Variants in POSTN observed in about 807,000 individuals in gnomAD.
POSTN encodes the protein periostin, also known as osteoblast specific factor 2 (fasciclin I-like).
Under a neutral mutation model 104.5 loss-of-function variants are expected in POSTN, and 71 were observed. That is an observed-to-expected ratio of 0.68 (90% CI 0.56 to 0.83). POSTN has a LOEUF of 0.83. POSTN is among the 40% of genes least tolerant of loss of function. The pLI is 0.00. For missense variants in POSTN, 949 were observed against 1,006.8 expected (o/e 0.94, Z 0.78); for synonymous variants, 355 against 340.7 (o/e 1.04, Z -0.46).
intron 22 of POSTN, among the ~76,000 whole-genome samples, chr13:37,563,725 G>A (rs910749559): frequency 2.0e-5 from 3 of 152,042 alleles, no homozygotes; most frequent in Non-Finnish European, 2.9e-5. Context: ...TTCCTATAGC[G>A]CATTGATAAG....
intron 2 of POSTN, among the ~76,000 whole-genome samples, chr13:37,595,583 T>C (rs1291493244): frequency 6.6e-6 from 1 of 152,134 alleles, no homozygotes; most frequent in Non-Finnish European, 1.5e-5. Context: ...AAAGACAATC[T>C]TGTGCATTTC....
chr13:37,584,654 A>G lies in POSTN; in HGVS notation c.1108+62T>C, dbSNP rs1950692399. 4 of 1,325,568 alleles carry G rather than the reference A, an allele frequency of 3.0e-6. No individual in the cohort carries two copies. The Admixed American group carries it at 7.5e-5, about 25-fold the overall frequency. 82.1% of individuals were successfully genotyped at this position (1,325,568 alleles called of 1,614,324 possible). On this transcript the variant is annotated intron_variant, in intron 8 of 22. Coordinates refer to ENST00000379747, the MANE Select transcript of POSTN (RefSeq NM_006475.3). ...TTTTCATGGACTTACTCTTTGAGAC[A>G]GCATAATTAGTAAATTACAGTAAGT... is the stretch of plus-strand genomic sequence containing the variant.
intron 17 of POSTN, among the ~76,000 whole-genome samples, chr13:37,573,627 T>TA (rs1950318456): frequency 6.6e-6 from 1 of 151,572 alleles, no homozygotes; most frequent in Non-Finnish European, 1.5e-5. Flanking sequence ...AACATAAGTA[T>TA]AATTACAGTT....
intron 2 of POSTN, among the ~76,000 whole-genome samples, chr13:37,594,355 T>C (rs536035641): frequency 1.3e-5 from 2 of 152,200 alleles, no homozygotes; most frequent in African/African-American, 4.8e-5. Context: ...ATTAATGCAG[T>C]AGATGAGATA....
intron 18 of POSTN, chr13:37,570,979 G>A: frequency 6.6e-6 from 2 of 302,242 alleles, no homozygotes; most frequent in East Asian, 6.3e-5. Context: ...TGGAATGGGA[G>A]CCCTATCATA....
rs781635196 is a variant in POSTN, at chr13:37,590,575, G to T, written c.284-46C>A. On this transcript the variant is annotated intron_variant, in intron 3 of 22. Coordinates refer to ENST00000379747, the MANE Select transcript of POSTN (RefSeq NM_006475.3). ...ATCAGTACTGGGGATAATATTCTCA[G>T]GATATTATTCATAATCATTTAAACT... is the stretch of plus-strand genomic sequence containing the variant. 6 of 1,449,766 alleles carry T rather than the reference G, an allele frequency of 4.1e-6. No individual in the cohort carries two copies. The Admixed American group carries it at 8.1e-5, about 20-fold the overall frequency. 89.8% of individuals were successfully genotyped at this position (1,449,766 alleles called of 1,614,324 possible).
At chr13:37,566,176 C>T (rs1950092843) in intron 21 of POSTN, among the ~76,000 whole-genome samples, 1 of 152,124 alleles carries the variant, frequency 6.6e-6, no homozygotes, top group Admixed American at 6.5e-5. Context: ...CAGCTCTCTG[C>T]TATGTCAACA....
chr13:37,598,035 A>G (rs1951133137), intron 1 of POSTN, among the ~76,000 whole-genome samples: 1 of 152,220 alleles, frequency 6.6e-6, no homozygotes, highest in Admixed American at 6.5e-5. Flanking sequence ...GTGTAATTTT[A>G]AAAATGCTTA....
intron 8 of POSTN, 69 bp from the exon 9 acceptor site, chr13:37,584,172 A>C: frequency 6.4e-7 from 1 of 1,564,398 alleles, no homozygotes; most frequent in South Asian, 1.2e-5. Context: ...AAACTAGTAA[A>C]TCAATTCCTG....
Position 37,565,849 on chromosome 13 carries a change from G to A in POSTN, c.2432-1289C>T, listed in dbSNP as rs530844784. On this transcript the variant is annotated intron_variant, in intron 21 of 22. Coordinates refer to ENST00000379747, the MANE Select transcript of POSTN (RefSeq NM_006475.3). ...CTTAACTTCAGGTTTATTTGGTAAC[G>A]AAATAATGGCTTCTAAAAAATTGTC... 2.8e-4 allele frequency among the ~76,000 whole-genome samples: 42 copies of A among 152,144 alleles called. 2 individuals are homozygous for A. The Middle Eastern group carries it at 0.014, about 49-fold the overall frequency.
intron 17 of POSTN, among the ~76,000 whole-genome samples, chr13:37,572,646 A>G (rs1246321537): frequency 4.0e-5 from 6 of 151,572 alleles, no homozygotes; most frequent in Non-Finnish European, 8.9e-5. Context: ...TACTCCCAAC[A>G]CCTCAGAAAG....
chr13:37,579,039 T>C lies in POSTN; in HGVS notation c.1874A>G (p.Asp625Gly). 6.2e-7 allele frequency: 1 copy of C among 1,613,406 alleles called. No individual in the cohort carries two copies. Among genetic ancestry groups the C allele is most frequent in the Middle Eastern group, 1.7e-4 (1 of 6,056 alleles). The change falls in exon 14 of 23, where the codon GAT (aspartate) becomes GGT (glycine). Residue 625 changes from aspartate (D) to glycine (G), a missense_variant. Coordinates refer to ENST00000379747, the MANE Select transcript of POSTN (RefSeq NM_006475.3). ...CAAACCTGCTGGATAGAGGAGTTTA[T>C]CTACAACATGAATTACACCATTTGT... Reference protein sequence around the residue: ...MTTNGVIHVVDKLLYPADTPV... With the variant: ...MTTNGVIHVVGKLLYPADTPV...
In POSTN at chr13:37,584,932, G is replaced by T. The variant is rs1216533413; in HGVS notation, c.896-4C>A. The T allele has an allele frequency of 5.0e-6, 8 of 1,613,224 alleles. No homozygotes were observed. Among genetic ancestry groups the T allele is most frequent in the Non-Finnish European group, 6.8e-6 (8 of 1,179,776 alleles). ...AAGATGTGGTACTTCATAAGAGCTGGAGAACACAATAAAAACAGGTAGCTT... is the reference window on the plus strand; with the variant it reads ...AAGATGTGGTACTTCATAAGAGCTGTAGAACACAATAAAAACAGGTAGCTT... On this transcript the variant is annotated splice_polypyrimidine_tract_variant and splice_region_variant and intron_variant, in intron 7 of 22. Transcript: ENST00000379747.
chr13:37,572,057 G>C (rs1046186953), intron 17 of POSTN, among the ~76,000 whole-genome samples: 4 of 151,724 alleles, frequency 2.6e-5, no homozygotes, highest in Middle Eastern at 3.4e-3. Context: ...CCAGTTAATA[G>C]TTAAACAGTC....
chr13:37,575,145 ATAGTTCAGAATAC>A (rs1950368498), intron 16 of POSTN, among the ~76,000 whole-genome samples: 1 of 152,070 alleles, frequency 6.6e-6, no homozygotes, highest in Non-Finnish European at 1.5e-5. Flanking sequence ...AAAATGAAAC[ATAGTTCAGAATAC>A]TTAAAAGTAA....
intron 3 of POSTN, among the ~76,000 whole-genome samples, chr13:37,590,894 A>T (rs754006461): frequency 1.3e-5 from 2 of 152,148 alleles, no homozygotes; most frequent in Non-Finnish European, 2.9e-5. Flanking sequence ...AAAAATATGT[A>T]GGCCTGCTTG....
chr13:37,582,236 C>A, intron 10 of POSTN, 130 bp downstream of exon 10: 2 of 1,052,510 alleles, frequency 1.9e-6, no homozygotes, highest in Non-Finnish European at 2.7e-6. Flanking sequence ...CCAAGCTACC[C>A]AGTTCCCTGA....
intron 15 of POSTN, 80 bp downstream of exon 15, chr13:37,578,764 A>C: frequency 8.1e-7 from 1 of 1,230,814 alleles, no homozygotes; most frequent in South Asian, 1.5e-5. Flanking sequence ...ATGCCACTGC[A>C]CTACAGCCTG....
rs180673139 is a variant in POSTN, at chr13:37,575,315, G to A, written c.2009-663C>T. Among the ~76,000 whole-genome samples, 4 of 149,210 alleles carry A rather than the reference G, an allele frequency of 2.7e-5. No individual in the cohort carries two copies. The East Asian group carries it at 5.9e-4, about 22-fold the overall frequency. Reference sequence around the variant, plus strand: ...TAATTTAAAGGTATATATTTTAAACGTGTGTCGTCTACCTAAGTAAGATAA... The same window carrying A: ...TAATTTAAAGGTATATATTTTAAACATGTGTCGTCTACCTAAGTAAGATAA... On this transcript the variant is annotated intron_variant, in intron 16 of 22. Transcript: ENST00000379747.
Sources: allele counts gnomAD v4.1 joint callset (sites outside exome capture counted in the v4.1 genomes callset), GRCh38; gene constraint gnomAD v4.1.1; transcripts MANE v1.5; gene names NCBI Gene and HGNC (gene_info 2026-07-23, HGNC 2026-07-21).